Variants in FLT3 observed in about 807,000 individuals in gnomAD.
The protein encoded by FLT3 is fms related receptor tyrosine kinase 3, also known as receptor-type tyrosine-protein kinase FLT3.
A neutral mutation model predicts 126.6 loss-of-function variants in FLT3; 46 were observed. The ratio of observed to expected loss-of-function variants is 0.36; its 90% CI spans 0.29 to 0.46. The LOEUF is 0.46. Ranked by LOEUF, FLT3 falls within the 20% of genes least tolerant of loss-of-function variation. The pLI is 1.00. For synonymous variants in FLT3, 404 were observed against 434.4 expected, an observed-to-expected ratio of 0.93 and a Z score of 0.87; for missense variants, 1,069 against 1,190.3, an observed-to-expected ratio of 0.90 and a Z score of 1.50.
chr13:28,088,436 C>T (rs1326360503), intron 1 of FLT3, among the ~76,000 whole-genome samples: 1 of 152,022 alleles, frequency 6.6e-6, no homozygotes, highest in African/African-American at 2.4e-5. Flanking sequence ...TACAGGTGCA[C>T]ACCACCATGC....
intron 3 of FLT3, among the ~76,000 whole-genome samples, chr13:28,057,898 A>T (rs1566088405): frequency 2.6e-5 from 4 of 151,810 alleles, no homozygotes; most frequent in African/African-American, 9.7e-5. Context: ...AAATTAGCTG[A>T]GAATGGCGCA....
At chr13:28,095,822 G>C (rs535646326) in intron 1 of FLT3, among the ~76,000 whole-genome samples, 1 of 152,212 alleles carries the variant, frequency 6.6e-6, no homozygotes, top group South Asian at 2.1e-4. Context: ...GGAACACAAA[G>C]AACCGTGGAT....
At chr13:28,073,904 C>T (rs145047077) in intron 1 of FLT3, among the ~76,000 whole-genome samples, 1 of 141,948 alleles carries the variant, frequency 7.0e-6, no homozygotes. Context: ...CACGCCTCTG[C>T]ACTCCAGCCT....
At position 28,091,467 on chromosome 13, in the gene FLT3, C is replaced by T. The variant is rs373374233; in HGVS notation, c.43+9001G>A. ...CGATCTCCTGACCTCGTGATCCGCC[C>T]GCCTCGGCCTCCCAAAGTGCTGGGA... On this transcript the variant is annotated intron_variant, in intron 1 of 23. Coordinates refer to ENST00000241453, the MANE Select transcript of FLT3 (RefSeq NM_004119.3). 6.0e-4 allele frequency among the ~76,000 whole-genome samples: 91 copies of T among 151,118 alleles called. 1 individual carries two copies. In the East Asian group the frequency reaches 0.013, roughly 22 times the overall value.
At chr13:28,011,493 T>C (rs1871357524) in intron 23 of FLT3, among the ~76,000 whole-genome samples, 2 of 142,528 alleles carry the variant, frequency 1.4e-5, no homozygotes, top group Non-Finnish European at 3.0e-5. Context: ...TGCGTGGCTG[T>C]GTGGGTTGTG....
chr13:28,095,095 G>T (rs938628147), intron 1 of FLT3, among the ~76,000 whole-genome samples: 1 of 152,030 alleles, frequency 6.6e-6, no homozygotes, highest in African/African-American at 2.4e-5. Flanking sequence ...AAAGTCTCCT[G>T]ATAAAAACCA....
intron 7 of FLT3, 34 bp from the exon 8 acceptor site, chr13:28,049,571 G>A: frequency 6.2e-7 from 1 of 1,612,496 alleles, no homozygotes; most frequent in Middle Eastern, 1.7e-4. Flanking sequence ...TGCATTTAAT[G>A]TTTTCAATCC....
chr13:28,042,437 G>A (rs1874474057), intron 9 of FLT3, among the ~76,000 whole-genome samples: 1 of 151,898 alleles, frequency 6.6e-6, no homozygotes, highest in Non-Finnish European at 1.5e-5. Flanking sequence ...CTATCATGGT[G>A]CTTACATAGA....
At chr13:28,044,721 T>G (rs1453995971) in intron 9 of FLT3, among the ~76,000 whole-genome samples, 1 of 152,136 alleles carries the variant, frequency 6.6e-6, no homozygotes, top group African/African-American at 2.4e-5. Flanking sequence ...ATGCACATCA[T>G]TAGCACAAAC....
At chr13:28,044,614 C>T (rs970372117) in intron 9 of FLT3, among the ~76,000 whole-genome samples, 4 of 152,154 alleles carry the variant, frequency 2.6e-5, no homozygotes, top group African/African-American at 9.7e-5. Flanking sequence ...TTGTTCAGTA[C>T]TTTGAGCATG....
At chr13:28,082,458 T>C (rs1878388981) in intron 1 of FLT3, among the ~76,000 whole-genome samples, 5 of 151,980 alleles carry the variant, frequency 3.3e-5, no homozygotes, top group Admixed American at 6.6e-5. Flanking sequence ...CCACTGTGCC[T>C]AGTCTTTTAT....
intron 23 of FLT3, among the ~76,000 whole-genome samples, chr13:28,014,226 C>T (rs892896627): frequency 1.3e-5 from 2 of 152,044 alleles, no homozygotes; most frequent in African/African-American, 4.8e-5. Context: ...GAGCCATGAT[C>T]ACGCCACACA....
chr13:28,035,430 C>A, intron 12 of FLT3, 65 bp downstream of exon 12: 1 of 1,466,236 alleles, frequency 6.8e-7, no homozygotes, highest in Admixed American at 1.9e-5. Flanking sequence ...TAAAAGTCAG[C>A]GATGGGGACT....
At chr13:28,089,809 A>T (rs977091643) in intron 1 of FLT3, among the ~76,000 whole-genome samples, 10 of 150,682 alleles carry the variant, frequency 6.6e-5, no homozygotes, top group African/African-American at 2.5e-4. Flanking sequence ...ATCTTGGCTC[A>T]CTGCAACCTC....
At chr13:28,032,416 C>G (rs1873424337) in intron 15 of FLT3, among the ~76,000 whole-genome samples, 1 of 152,138 alleles carries the variant, frequency 6.6e-6, no homozygotes. Context: ...CTGGATGGAG[C>G]CTGGGCAACA....
At chr13:28,050,301 C>G in intron 5 of FLT3, 79 bp from the exon 6 acceptor site, 1 of 1,424,102 alleles carries the variant, frequency 7.0e-7, no homozygotes, top group East Asian at 2.3e-5. Context: ...GAACAAAGTT[C>G]TAGAGCCAGT....
intron 8 of FLT3, among the ~76,000 whole-genome samples, 160 bp from the exon 9 acceptor site, chr13:28,048,603 T>G (rs1875121114): frequency 6.6e-6 from 1 of 151,834 alleles, no homozygotes; most frequent in Non-Finnish European, 1.5e-5. Flanking sequence ...AACCCAGGAG[T>G]CCTATCCCTA....
chr13:28,056,910 G>A (rs1214748549), intron 4 of FLT3, among the ~76,000 whole-genome samples: 1 of 152,142 alleles, frequency 6.6e-6, no homozygotes, highest in East Asian at 1.9e-4. Context: ...ATTGGATCAC[G>A]CTGAGACCTT....
intron 2 of FLT3, 89 bp downstream of exon 2, chr13:28,070,402 G>A (rs1247214316): frequency 3.6e-5 from 38 of 1,059,118 alleles, no homozygotes; most frequent in Non-Finnish European, 5.2e-5. Flanking sequence ...ATAAAGAGAA[G>A]CCCATTTAGC....
Sources: gnomAD v4.1 joint callset for allele counts (sites outside exome capture counted in the v4.1 genomes callset) on GRCh38, gnomAD v4.1.1 for gene constraint, MANE v1.5 for transcripts, NCBI Gene and HGNC (gene_info 2026-07-23, HGNC 2026-07-21) for gene names.